Variants in RPGRIP1L observed in about 807,000 individuals in gnomAD.
The protein encoded by RPGRIP1L is protein fantom.
Under a neutral mutation model 160.4 loss-of-function variants are expected in RPGRIP1L, and 131 were observed. The observed-to-expected ratio is 0.82, with a 90% CI of 0.71 to 0.94. The LOEUF is 0.94. RPGRIP1L is among the 40% of genes least tolerant of loss of function. RPGRIP1L has a pLI of 0.00. For missense variants in RPGRIP1L, 1,522 were observed against 1,535.8 expected (o/e 0.99, Z 0.15); for synonymous variants, 510 against 515.8 (o/e 0.99, Z 0.15).
In RPGRIP1L at chr16:53,696,192, T is replaced by A; in HGVS notation, c.189A>T (p.Leu63Phe). 1 of 1,614,032 alleles carries A rather than the reference T, an allele frequency of 6.2e-7. No homozygotes were observed. Among genetic ancestry groups the A allele is most frequent in the Non-Finnish European group, 8.5e-7 (1 of 1,179,962 alleles). Residue 63 changes from leucine to phenylalanine, a missense_variant, in exon 3 of 27, where the codon TTA (leucine) becomes TTT (phenylalanine). Coordinates refer to ENST00000647211, the MANE Select transcript of RPGRIP1L (RefSeq NM_015272.5). ...CCTGCTTGCGGGCATGCTGTTTAAG[T>A]AAAATGTTCTCATCATGCAAACGCA... ...RFLRLHDENI[L>F]LKQHARKQED...
At position 53,645,865 on chromosome 16, in the gene RPGRIP1L, C is replaced by T; in HGVS notation, c.2443G>A (p.Val815Ile). The T allele has an allele frequency of 1.9e-6, 3 of 1,614,068 alleles. No individual in the cohort carries two copies. The highest frequency in any genetic ancestry group is 2.5e-6 in the Non-Finnish European group (3 of 1,180,012). Residue 815 changes from valine (V) to isoleucine (I), a missense_variant, in exon 17 of 27, where the codon GTT becomes ATT. Physicochemically the swap from Val to Ile is conservative, Grantham distance 29 (BLOSUM62 3). Transcript: ENST00000647211. ...GCAAAATCAAAAAACTTGTACACAA[C>T]ATATGGGTGTGGCTGCAGGTGGCTT... ...RASHLQPHPY[V>I]VYKFFDFADH...
intron 24 of RPGRIP1L, among the ~76,000 whole-genome samples, chr16:53,614,881 G>A (rs1964260838): frequency 6.6e-6 from 1 of 152,168 alleles, no homozygotes; most frequent in Admixed American, 6.5e-5. Context: ...AAATACTTTA[G>A]TTGATCTTCA....
chr16:53,659,165 T>C (rs558582960), intron 10 of RPGRIP1L: 25 of 898,254 alleles, frequency 2.8e-5, no homozygotes, highest in Admixed American at 4.9e-5. Context: ...GAATGTTCTA[T>C]TTAAAATACC....
At chr16:53,693,380 A>G (rs765418779) in intron 3 of RPGRIP1L, 1 of 152,232 alleles carries the variant, frequency 6.6e-6, no homozygotes, top group Non-Finnish European at 1.5e-5. Flanking sequence ...TAAGGGAACA[A>G]AAGTGAAATA....
chr16:53,634,159 A>G lies in RPGRIP1L; in HGVS notation c.3294+2280T>C, dbSNP rs531596377. On this transcript the variant is annotated intron_variant, in intron 22 of 26. Transcript: ENST00000647211. Reference sequence around the variant, plus strand: ...CAGAGGAGGAATGCTGTGTTCTTACATGGCAGAAGAGCAAGATAACTTCTC... The same window carrying G: ...CAGAGGAGGAATGCTGTGTTCTTACGTGGCAGAAGAGCAAGATAACTTCTC... 9.8e-4 allele frequency among the ~76,000 whole-genome samples: 135 copies of G among 137,532 alleles called. 1 individual carries two copies. The Middle Eastern group carries it at 0.032, about 33-fold the overall frequency. 90.2% of individuals were successfully genotyped at this position (137,532 alleles called of 152,430 possible).
Position 53,637,723 on chromosome 16 carries a change from T to C in RPGRIP1L, c.3192A>G (p.Thr1064=), listed in dbSNP as rs956639777. 2 of 1,611,164 alleles carry C rather than the reference T, an allele frequency of 1.2e-6. No homozygotes were observed. Among genetic ancestry groups the C allele is most frequent in the Non-Finnish European group, 1.7e-6 (2 of 1,179,730 alleles). The change falls in exon 21 of 27, where the codon ACA becomes ACG. Residue 1064 remains threonine (T), a synonymous_variant. Coordinates refer to ENST00000647211, the MANE Select transcript of RPGRIP1L (RefSeq NM_015272.5). The part of the protein sequence containing the change: ...EQSLASSEDE[T]EITEDLEPEV... The stretch of plus-strand genomic sequence containing the variant: ...CTGGTTCCAAGTCCTCTGTTATTTC[T>C]GTTTCATCTTCAGAAGATGCCAAGC...
intron 1 of RPGRIP1L, among the ~76,000 whole-genome samples, chr16:53,702,195 C>A (rs1971465967): frequency 6.6e-6 from 1 of 152,158 alleles, no homozygotes; most frequent in South Asian, 2.1e-4. Flanking sequence ...GGCTGTTACT[C>A]AAATGATTCC....
chr16:53,702,687 C>CT (rs576871805), intron 1 of RPGRIP1L, among the ~76,000 whole-genome samples: 13,529 of 141,588 alleles, frequency 0.096, 813 homozygotes, highest in East Asian at 0.31. Context: ...CTTTTCTTTT[C>CT]TTTTTTTTTT....
intron 22 of RPGRIP1L, among the ~76,000 whole-genome samples, chr16:53,624,739 G>GA (rs1271269741): frequency 1.3e-5 from 2 of 151,878 alleles, no homozygotes; most frequent in Non-Finnish European, 2.9e-5. Flanking sequence ...TTCATCATAA[G>GA]AAAATGGGAG....
At chr16:53,611,979 C>T (rs1283806403) in intron 24 of RPGRIP1L, among the ~76,000 whole-genome samples, 4 of 152,218 alleles carry the variant, frequency 2.6e-5, no homozygotes, top group African/African-American at 7.2e-5. Context: ...GCCAGTTCTC[C>T]TTAGGCTCTG....
Position 53,636,561 on chromosome 16 carries a change from A to G in RPGRIP1L, c.3221-49T>C, listed in dbSNP as rs193088985. On this transcript the variant is annotated intron_variant, in intron 21 of 26. Transcript: ENST00000647211. ...CATTTACACAAGTTAAACCAATTCTACTTATACCCTGTAAAATAAAGAGAA... is the reference window on the plus strand; with the variant it reads ...CATTTACACAAGTTAAACCAATTCTGCTTATACCCTGTAAAATAAAGAGAA... 174 of 1,241,114 alleles carry G rather than the reference A, an allele frequency of 1.4e-4. 1 individual carries two copies. The East Asian group carries it at 4.0e-3, about 29-fold the overall frequency. The allele number at this position is 1,241,114 out of a possible 1,614,324, so 76.9% of individuals were successfully genotyped here.
chr16:53,651,521 C>A (rs1036207712), intron 15 of RPGRIP1L, among the ~76,000 whole-genome samples: 3 of 152,148 alleles, frequency 2.0e-5, no homozygotes, highest in East Asian at 1.9e-4. Context: ...TTGAATCCCC[C>A]CTTTGCTGCA....
intron 5 of RPGRIP1L, 124 bp downstream of exon 5, chr16:53,687,739 C>A: frequency 1.4e-6 from 1 of 697,184 alleles, no homozygotes; most frequent in Non-Finnish European, 2.6e-6. Flanking sequence ...TGTTACCCTA[C>A]AGAACATAGC....
At position 53,671,592 on chromosome 16, in the gene RPGRIP1L, A is replaced by G. The variant is rs779543814; in HGVS notation, c.1030-9T>C. Reference sequence around the variant, plus strand: ...TTAATTCTATCCTGCAGCTAAAATGAAAATAAAATTACATATTAAGTAAAT... The same window carrying G: ...TTAATTCTATCCTGCAGCTAAAATGGAAATAAAATTACATATTAAGTAAAT... On this transcript the variant is annotated splice_polypyrimidine_tract_variant and intron_variant, in intron 8 of 26. Transcript: ENST00000647211. The G allele has an allele frequency of 1.4e-5, 20 of 1,429,472 alleles. No individual in the cohort carries two copies. Among genetic ancestry groups the G allele is most frequent in the Non-Finnish European group, 1.9e-5 (19 of 1,022,174 alleles). 88.5% of individuals were successfully genotyped at this position (1,429,472 alleles called of 1,614,324 possible). A position where few individuals can be genotyped will look rare whatever the true frequency, so the allele number is the denominator to read the frequency against.
intron 7 of RPGRIP1L, 61 bp from the exon 8 acceptor site, chr16:53,673,077 A>G: frequency 6.9e-7 from 1 of 1,455,876 alleles, no homozygotes; most frequent in South Asian, 1.2e-5. Flanking sequence ...AAATTTGACT[A>G]AATGATTTGA....
chr16:53,684,377 A>G (rs1340706525), intron 6 of RPGRIP1L, among the ~76,000 whole-genome samples: 1 of 152,220 alleles, frequency 6.6e-6, no homozygotes, highest in Non-Finnish European at 1.5e-5. Context: ...GATTAAGAAA[A>G]TGTGGCACAT....
At chr16:53,647,955 T>C (rs1200584246) in intron 16 of RPGRIP1L, among the ~76,000 whole-genome samples, 1 of 151,550 alleles carries the variant, frequency 6.6e-6, no homozygotes, top group South Asian at 2.1e-4. Flanking sequence ...AATACAAAAA[T>C]TTAGCCGGCT....
At chr16:53,618,218 T>G (rs367622145) in intron 24 of RPGRIP1L, among the ~76,000 whole-genome samples, 35 of 152,288 alleles carry the variant, frequency 2.3e-4, no homozygotes, top group African/African-American at 7.9e-4. Flanking sequence ...TGCTATATGA[T>G]GAAAGGTGTA....
chr16:53,608,017 T>C (rs996828293), intron 25 of RPGRIP1L: 5 of 975,976 alleles, frequency 5.1e-6, no homozygotes, highest in Non-Finnish European at 6.1e-6. Flanking sequence ...AGGGGGCAGA[T>C]GTCAAGCACT....
Sources: gnomAD v4.1 joint callset for allele counts (sites outside exome capture counted in the v4.1 genomes callset) on GRCh38, gnomAD v4.1.1 for gene constraint, MANE v1.5 for transcripts, NCBI Gene and HGNC (gene_info 2026-07-23, HGNC 2026-07-21) for gene names.